NDST4: variants seen among roughly 807,000 people sequenced by gnomAD.
NDST4 encodes the protein N-heparan sulfate sulfotransferase 4.
Under a neutral mutation model 100.8 loss-of-function variants are expected in NDST4, and 63 were observed. The ratio of observed to expected loss-of-function variants is 0.62; its 90% CI spans 0.51 to 0.77. The LOEUF is 0.77. Among genes scored for constraint, NDST4 ranks in the 30% least tolerant of loss-of-function variants. The pLI, the probability that NDST4 is intolerant of heterozygous loss-of-function variation, is 0.00. For synonymous variants in NDST4, 377 were observed against 361.8 expected (o/e 1.04, Z -0.48); for missense variants, 943 against 1,018.4 (o/e 0.93, Z 1.01).
At chr4:114,974,010 C>T (rs998489684) in intron 3 of NDST4, among the ~76,000 whole-genome samples, 6 of 151,788 alleles carry the variant, frequency 4.0e-5, no homozygotes, top group Non-Finnish European at 8.8e-5. Flanking sequence ...GAATTGTCTA[C>T]TATTTACTTT....
At chr4:114,992,395 T>C (rs1219224735) in intron 2 of NDST4, among the ~76,000 whole-genome samples, 2 of 152,012 alleles carry the variant, frequency 1.3e-5, no homozygotes, top group East Asian at 3.9e-4. Flanking sequence ...GTTGACAGTT[T>C]CCATTATGTG....
chr4:114,901,044 G>T (rs532324539), intron 6 of NDST4, among the ~76,000 whole-genome samples: 1 of 151,430 alleles, frequency 6.6e-6, no homozygotes, highest in Non-Finnish European at 1.5e-5. Context: ...AATTCTGTAC[G>T]GTGTGTTTTA....
intron 2 of NDST4, among the ~76,000 whole-genome samples, chr4:114,993,986 C>T (rs575255535): frequency 1.2e-4 from 18 of 151,932 alleles, no homozygotes; most frequent in Middle Eastern, 3.4e-3. Context: ...GACATTTGGC[C>T]CAGACATTGA....
intron 4 of NDST4, among the ~76,000 whole-genome samples, chr4:114,952,284 A>T (rs1726033774): frequency 6.6e-6 from 1 of 152,126 alleles, no homozygotes; most frequent in African/African-American, 2.4e-5. Context: ...ACTGAAGTGT[A>T]TTTTGTAGGG....
intron 2 of NDST4, among the ~76,000 whole-genome samples, chr4:115,068,052 G>T (rs1391720480): frequency 2.0e-5 from 3 of 151,932 alleles, no homozygotes; most frequent in Non-Finnish European, 4.4e-5. Flanking sequence ...CTTCATCCAT[G>T]TCCCTACAAA....
intron 3 of NDST4, among the ~76,000 whole-genome samples, chr4:114,975,025 A>G (rs567294092): frequency 3.9e-5 from 6 of 152,234 alleles, no homozygotes; most frequent in Admixed American, 1.3e-4. Flanking sequence ...TGCACATGTA[A>G]GGAATGCACC....
intron 4 of NDST4, among the ~76,000 whole-genome samples, chr4:114,963,015 T>C (rs1726297965): frequency 6.6e-6 from 1 of 152,112 alleles, no homozygotes; most frequent in Non-Finnish European, 1.5e-5. Context: ...CATCAAAATG[T>C]TAAACATAAA....
chr4:114,979,582 C>T (rs565958931), intron 2 of NDST4, among the ~76,000 whole-genome samples: 8 of 150,996 alleles, frequency 5.3e-5, no homozygotes, highest in Admixed American at 1.3e-4. Context: ...TGGGCCATAC[C>T]ACAAGATGAT....
intron 2 of NDST4, among the ~76,000 whole-genome samples, chr4:115,074,598 T>C (rs1018582376): frequency 2.0e-5 from 3 of 152,090 alleles, no homozygotes; most frequent in Non-Finnish European, 4.4e-5. Flanking sequence ...AATGAAATAT[T>C]TGGGTCACAG....
At position 114,829,287 on chromosome 4, in the gene NDST4, C is replaced by CGTTTTT. The variant is rs1560767165; in HGVS notation, c.2499+502_2499+503insAAAAAC. ...CCTGCCGTTTTCTGGTTTCGTTTGTCATTGTTTTACGTTTTTATGTCCCTA... is the reference window on the plus strand; with the variant it reads ...CCTGCCGTTTTCTGGTTTCGTTTGTCGTTTTTATTGTTTTACGTTTTTATGTCCCTA... On this transcript the variant is annotated intron_variant, in intron 13 of 13. Coordinates refer to ENST00000264363, the MANE Select transcript of NDST4 (RefSeq NM_022569.3). Among the ~76,000 whole-genome samples the CGTTTTT allele has an allele frequency of 3.2e-3, 487 of 152,168 alleles. 3 individuals carry two copies. Among genetic ancestry groups the CGTTTTT allele is most frequent in the African/African-American group, 0.011 (443 of 41,518 alleles).
At chr4:115,015,748 A>T (rs1334571967) in intron 2 of NDST4, among the ~76,000 whole-genome samples, 1 of 152,064 alleles carries the variant, frequency 6.6e-6, no homozygotes, top group Non-Finnish European at 1.5e-5. Flanking sequence ...GCTCATGAAC[A>T]AAGTGGCCAT....
intron 2 of NDST4, among the ~76,000 whole-genome samples, chr4:114,996,960 G>A (rs1047781480): frequency 7.2e-5 from 11 of 152,036 alleles, no homozygotes; most frequent in African/African-American, 1.9e-4. Flanking sequence ...TGGTGCTGCA[G>A]GGTATTGTAT....
At chr4:115,015,265 G>T (rs1727650081) in intron 2 of NDST4, among the ~76,000 whole-genome samples, 2 of 152,080 alleles carry the variant, frequency 1.3e-5, no homozygotes, top group Non-Finnish European at 1.5e-5. Context: ...CAGAGAGAAA[G>T]AAGACTCATG....
chr4:114,880,179 T>C (rs1319077004), intron 6 of NDST4, among the ~76,000 whole-genome samples: 2 of 152,180 alleles, frequency 1.3e-5, no homozygotes, highest in Non-Finnish European at 2.9e-5. Context: ...TAATAAAGGC[T>C]TAGTCATTAA....
intron 4 of NDST4, among the ~76,000 whole-genome samples, chr4:114,949,992 T>A (rs541815915): frequency 2.0e-5 from 3 of 152,140 alleles, no homozygotes; most frequent in African/African-American, 7.2e-5. Context: ...AATACTGATT[T>A]AGAAGATTAT....
At chr4:115,108,513 T>C (rs1729877358) in intron 1 of NDST4, among the ~76,000 whole-genome samples, 1 of 151,964 alleles carries the variant, frequency 6.6e-6, no homozygotes, top group Admixed American at 6.6e-5. Context: ...CTACTAGATA[T>C]AAAAATGATT....
intron 2 of NDST4, among the ~76,000 whole-genome samples, chr4:115,070,139 C>T (rs4834449): frequency 0.24 from 36,825 of 151,986 alleles, 5,993 homozygotes; most frequent in East Asian, 0.46. Context: ...CATTGCAGCA[C>T]TCTTCAAAAT....
intron 4 of NDST4, among the ~76,000 whole-genome samples, chr4:114,964,044 G>T (rs1726325764): frequency 6.6e-6 from 1 of 152,070 alleles, no homozygotes; most frequent in Non-Finnish European, 1.5e-5. Context: ...TATTGCTTCT[G>T]ATATTTATAT....
intron 6 of NDST4, among the ~76,000 whole-genome samples, chr4:114,872,732 G>A (rs1243861184): frequency 1.3e-5 from 2 of 151,780 alleles, no homozygotes; most frequent in African/African-American, 2.4e-5. Context: ...TACTGTTATT[G>A]TCCCCTTTTA....
Sources: gnomAD v4.1 joint callset for allele counts (sites outside exome capture counted in the v4.1 genomes callset) on GRCh38, gnomAD v4.1.1 for gene constraint, MANE v1.5 for transcripts, NCBI Gene and HGNC (gene_info 2026-07-23, HGNC 2026-07-21) for gene names.